The following CFAP20DC variants were observed in gnomAD, a reference collection of about 807,000 sequenced individuals.
CFAP20DC encodes the protein CFAP20 domain containing, also known as protein CFAP20DC.
Under a neutral mutation model 101.7 loss-of-function variants are expected in CFAP20DC, and 84 were observed. The ratio of observed to expected loss-of-function variants is 0.83; its 90% CI spans 0.69 to 0.99. CFAP20DC has a LOEUF of 0.99. Ranked by LOEUF, CFAP20DC falls within the 50% of genes least tolerant of loss-of-function variation. The pLI is 0.00. For missense variants in CFAP20DC, 1,007 were observed against 970.3 expected, an observed-to-expected ratio of 1.04 and a Z score of -0.50; for synonymous variants, 359 against 351.2, an observed-to-expected ratio of 1.02 and a Z score of -0.25.
At chr3:58,806,598 C>T (rs2074079996) in intron 14 of CFAP20DC, 142 bp from the exon 15 acceptor site, 9 of 673,818 alleles carry the variant, frequency 1.3e-5, no homozygotes, top group South Asian at 4.8e-5. Flanking sequence ...CCAAGACGGC[C>T]GAATAGGAAC....
intron 5 of CFAP20DC, among the ~76,000 whole-genome samples, chr3:58,923,218 T>G (rs1387609558): frequency 6.6e-6 from 1 of 152,108 alleles, no homozygotes; most frequent in Non-Finnish European, 1.5e-5. Flanking sequence ...CAAAATACAT[T>G]ACTAATTTTG....
intron 13 of CFAP20DC, among the ~76,000 whole-genome samples, chr3:58,843,787 G>T (rs984601824): frequency 6.7e-6 from 1 of 149,744 alleles, no homozygotes; most frequent in Non-Finnish European, 1.5e-5. Flanking sequence ...CCCTCAAAGG[G>T]AAGCCCATCA....
intron 15 of CFAP20DC, among the ~76,000 whole-genome samples, chr3:58,787,418 AG>A (rs2072454234): frequency 6.6e-6 from 1 of 151,752 alleles, no homozygotes; most frequent in African/African-American, 2.4e-5. Flanking sequence ...GCAGCACACC[AG>A]CATGGCACAT....
At chr3:58,852,125 C>T (rs1559706912) in intron 12 of CFAP20DC, among the ~76,000 whole-genome samples, 1 of 152,046 alleles carries the variant, frequency 6.6e-6, no homozygotes. Flanking sequence ...CTCTTAGTAG[C>T]CATTGCTCTG....
At position 58,959,641 on chromosome 3, in the gene CFAP20DC, G is replaced by T. The variant is rs79122039; in HGVS notation, c.279-21879C>A. 5.4e-3 allele frequency among the ~76,000 whole-genome samples: 829 copies of T among 152,278 alleles called. 8 individuals are homozygous for T. The highest frequency in any genetic ancestry group is 0.019 in the African/African-American group (800 of 41,556). ...TGATCTACATGTCCTCTTCATGCCAGTAACATACTAACTTGATTACTGTAG... is the reference window on the plus strand; with the variant it reads ...TGATCTACATGTCCTCTTCATGCCATTAACATACTAACTTGATTACTGTAG... On this transcript the variant is annotated intron_variant, in intron 4 of 16. Transcript: ENST00000482387.
At chr3:58,779,550 T>C (rs2071635371) in intron 15 of CFAP20DC, among the ~76,000 whole-genome samples, 1 of 152,100 alleles carries the variant, frequency 6.6e-6, no homozygotes. Context: ...AATTAAAAAT[T>C]CATTGAATGA....
chr3:59,003,278 C>T (rs1204859474), intron 4 of CFAP20DC, among the ~76,000 whole-genome samples: 1 of 152,106 alleles, frequency 6.6e-6, no homozygotes, highest in Non-Finnish European at 1.5e-5. Context: ...TTTTGCTGCA[C>T]ATCTATTAAA....
chr3:58,957,244 T>G (rs1014052511), intron 4 of CFAP20DC, among the ~76,000 whole-genome samples: 4 of 152,114 alleles, frequency 2.6e-5, no homozygotes, highest in African/African-American at 9.7e-5. Context: ...CAAACACACA[T>G]ATAAAAATGT....
chr3:58,806,477 G>C, intron 14 of CFAP20DC, 21 bp from the exon 15 acceptor site: 1 of 1,578,892 alleles, frequency 6.3e-7, no homozygotes, highest in Non-Finnish European at 8.7e-7. Flanking sequence ...CAAAACATTT[G>C]TGAATGTTTA....
chr3:59,032,655 C>T (rs1056081581), intron 4 of CFAP20DC, among the ~76,000 whole-genome samples: 16 of 152,214 alleles, frequency 1.1e-4, no homozygotes, highest in African/African-American at 3.9e-4. Context: ...CAGATTCCTC[C>T]TCTCCAGGCA....
chr3:58,809,520 A>T (rs987107383), intron 14 of CFAP20DC, among the ~76,000 whole-genome samples: 1 of 152,106 alleles, frequency 6.6e-6, no homozygotes, highest in African/African-American at 2.4e-5. Context: ...CAAAGACATA[A>T]CATACCAGAA....
chr3:58,718,786 C>T (rs2067430328), intron 3 of CFAP20DC, among the ~76,000 whole-genome samples: 1 of 152,222 alleles, frequency 6.6e-6, no homozygotes, highest in Admixed American at 6.5e-5. Flanking sequence ...AATTGGCCTG[C>T]TCTTGGTATG....
Position 58,913,917 on chromosome 3 carries a change from G to A in CFAP20DC, c.394-53C>T. Reference sequence around the variant, plus strand: ...AAGGACCTTTCATCAACACATAAATGAACAAACCATCTATATGTAGACATT... The same window carrying A: ...AAGGACCTTTCATCAACACATAAATAAACAAACCATCTATATGTAGACATT... On this transcript the variant is annotated intron_variant, in intron 5 of 16. Transcript: ENST00000482387. This position sits in a 1 kb window ranked among gnomAD's most constrained non-coding sequence, Gnocchi z 4.4. 1 of 1,575,982 alleles carries A rather than the reference G, an allele frequency of 6.3e-7. No individual in the cohort carries two copies. Among genetic ancestry groups the A allele is most frequent in the Non-Finnish European group, 8.7e-7 (1 of 1,148,938 alleles).
At chr3:58,872,991 T>C (rs1265973506) in intron 7 of CFAP20DC, among the ~76,000 whole-genome samples, 1 of 150,694 alleles carries the variant, frequency 6.6e-6, no homozygotes, top group Non-Finnish European at 1.5e-5. Context: ...AGGCAGGTCC[T>C]CAAGCAGAAG....
intron 4 of CFAP20DC, among the ~76,000 whole-genome samples, chr3:58,982,412 G>T (rs879719765): frequency 1.3e-5 from 2 of 152,004 alleles, no homozygotes; most frequent in Non-Finnish European, 2.9e-5. Flanking sequence ...ACATGCACAC[G>T]TATGTTTATT....
chr3:58,736,812 C>T (rs2067767596), intron 3 of CFAP20DC, among the ~76,000 whole-genome samples: 1 of 152,186 alleles, frequency 6.6e-6, no homozygotes, highest in Non-Finnish European at 1.5e-5. Context: ...TTCGTAATGC[C>T]TCACAGAATT....
At chr3:58,942,914 C>G (rs1248502365) in intron 4 of CFAP20DC, among the ~76,000 whole-genome samples, 2 of 152,174 alleles carry the variant, frequency 1.3e-5, no homozygotes, top group Admixed American at 6.5e-5. Flanking sequence ...ATTACTAAGG[C>G]TCAAGTAAGC....
rs1479555611 is a variant in CFAP20DC at position 58,759,066 on chromosome 3, T to C, written c.2238-5203A>G. ...GGGTATATACCCAGTAATGGGATGG[T>C]TGGGTCAAATGGTATTTCTAGTTCT... On this transcript the variant is annotated intron_variant, in intron 15 of 16. Coordinates refer to ENST00000482387, the MANE Select transcript of CFAP20DC (RefSeq NM_001394063.1). Among the ~76,000 whole-genome samples the C allele has an allele frequency of 4.3e-4, 65 of 152,162 alleles. 1 individual carries two copies. Among genetic ancestry groups the C allele is most frequent in the Middle Eastern group, 3.4e-3 (1 of 294 alleles).
In CFAP20DC at chr3:58,933,967, A is replaced by C. The variant is rs2087123753; in HGVS notation, c.393+3681T>G. On this transcript the variant is annotated intron_variant, in intron 5 of 16. Coordinates refer to ENST00000482387, the MANE Select transcript of CFAP20DC (RefSeq NM_001394063.1). ...AGAGACACAAAAAACCCTTCAAAAA[A>C]TTAATGAATCCAGGAGCTGGTTTTT... Among the ~76,000 whole-genome samples, 4 of 152,112 alleles carry C rather than the reference A, an allele frequency of 2.6e-5. No individual in the cohort carries two copies. In the South Asian group the frequency reaches 8.3e-4, roughly 31 times the overall value.
Sources: gnomAD v4.1 joint callset for allele counts (sites outside exome capture counted in the v4.1 genomes callset) on GRCh38, gnomAD v4.1.1 for gene constraint, Gnocchi (gnomAD v3.1) non-coding constraint, MANE v1.5 for transcripts, NCBI Gene and HGNC (gene_info 2026-07-23, HGNC 2026-07-21) for gene names.